BRAF: variants seen among roughly 807,000 people sequenced by gnomAD.
The protein encoded by BRAF is serine/threonine-protein kinase B-raf.
BRAF carries 16 observed loss-of-function variants against 104.6 expected under a neutral mutation model. The ratio of observed to expected loss-of-function variants is 0.15; its 90% CI spans 0.10 to 0.23. The LOEUF is 0.23. BRAF is among the 10% of genes least tolerant of loss of function. The probability of loss-of-function intolerance (pLI) is 1.00; values close to 1 mark genes in which losing one functional copy is unlikely to be tolerated. For missense variants in BRAF, 541 were observed against 937.3 expected (o/e 0.58, Z 5.52); for synonymous variants, 310 against 341.6 (o/e 0.91, Z 1.02).
chr7:140,913,569 G>A (rs1312055161), intron 1 of BRAF, among the ~76,000 whole-genome samples: 1 of 123,150 alleles, frequency 8.1e-6, no homozygotes, highest in Non-Finnish European at 1.6e-5. Context: ...TGCAACCTCC[G>A]ACTCCCTGAT....
At chr7:140,754,677 A>C (rs1446740927) in intron 14 of BRAF, among the ~76,000 whole-genome samples, 1 of 152,184 alleles carries the variant, frequency 6.6e-6, no homozygotes, top group Non-Finnish European at 1.5e-5. Context: ...TCCTGAGTGA[A>C]GCTTTCCCAT....
At chr7:140,877,564 C>G (rs1217364477) in intron 1 of BRAF, among the ~76,000 whole-genome samples, 3 of 151,804 alleles carry the variant, frequency 2.0e-5, no homozygotes, top group Non-Finnish European at 4.4e-5. Context: ...ATGTTGAAAA[C>G]AAAAGCTTGT....
At chr7:140,793,795 T>G (rs1028974850) in intron 8 of BRAF, among the ~76,000 whole-genome samples, 1 of 152,070 alleles carries the variant, frequency 6.6e-6, no homozygotes, top group African/African-American at 2.4e-5. Flanking sequence ...ATGGCTAATT[T>G]GTTTTACTTT....
Position 140,762,146 on chromosome 7 carries a change from T to A in BRAF, c.1815-7913A>T, listed in dbSNP as rs1322678206. ...CTGACCACATACTTGGAAGTAAAGC[T>A]CTCCTCAGCAAATGTAAAAGAACAG... On this transcript the variant is annotated intron_variant, in intron 14 of 19. Transcript: ENST00000644969. Among the ~76,000 whole-genome samples, 6 of 151,916 alleles carry A rather than the reference T, an allele frequency of 3.9e-5. No homozygotes were observed. In the East Asian group the frequency reaches 9.6e-4, roughly 24 times the overall value.
chr7:140,805,892 C>A (rs1803610435), intron 5 of BRAF, among the ~76,000 whole-genome samples: 1 of 152,164 alleles, frequency 6.6e-6, no homozygotes, highest in Non-Finnish European at 1.5e-5. Flanking sequence ...TTTGATCTTG[C>A]CTCTATATGG....
At chr7:140,878,163 CA>C (rs565718270) in intron 1 of BRAF, among the ~76,000 whole-genome samples, 1 of 150,876 alleles carries the variant, frequency 6.6e-6, no homozygotes, top group South Asian at 2.1e-4. Flanking sequence ...CAAATGAAAA[CA>C]AAAAAAACAC....
intron 1 of BRAF, among the ~76,000 whole-genome samples, chr7:140,858,980 T>C (rs1350810833): frequency 6.6e-6 from 1 of 152,114 alleles, no homozygotes; most frequent in East Asian, 1.9e-4. Context: ...CAGAAGAGTT[T>C]AGCAAGGTTT....
At chr7:140,877,425 T>C (rs1360365199) in intron 1 of BRAF, among the ~76,000 whole-genome samples, 1 of 151,922 alleles carries the variant, frequency 6.6e-6, no homozygotes, top group Non-Finnish European at 1.5e-5. Context: ...CTTAAACTGA[T>C]ACTATTATAT....
At chr7:140,776,806 G>A in intron 14 of BRAF, 106 bp downstream of exon 13, 1 of 1,097,952 alleles carries the variant, frequency 9.1e-7, no homozygotes. Context: ...TATGTTCCTG[G>A]ACAGTAATTT....
rs139442899 is a variant in BRAF at position 140,719,989 on chromosome 7, T to G, written c.*6505A>C. 2.5e-5 allele frequency: 27 copies of G among 1,062,626 alleles called. No individual in the cohort carries two copies. In the East Asian group the frequency reaches 1.4e-3, roughly 54 times the overall value. 65.8% of individuals were successfully genotyped at this position (1,062,626 alleles called of 1,614,324 possible). On this transcript the variant is annotated 3_prime_UTR_variant, in exon 20 of 20. Transcript: ENST00000644969. ...GCAGTTCAAACAGGAAGCATCTCCC[T>G]TTCCTCTCCCTTACAGGAGTCATGT...
At chr7:140,797,838 T>TA (rs1387004651) in intron 7 of BRAF, among the ~76,000 whole-genome samples, 1 of 151,994 alleles carries the variant, frequency 6.6e-6, no homozygotes, top group Non-Finnish European at 1.5e-5. Context: ...AAAGATTAAT[T>TA]AAAAACCAAC....
chr7:140,922,374 C>CA lies in BRAF; in HGVS notation c.138+2191dup, dbSNP rs1176647532. ...TGGCCCTCGCTCTCACTTACTAAAT[C>CA]AGACTCTTCAGGGGGTACAGTTCCA... On this transcript the variant is annotated intron_variant, in intron 1 of 19. Coordinates refer to ENST00000644969, the MANE Select transcript of BRAF (RefSeq NM_001374258.1). Among the ~76,000 whole-genome samples, 9 of 152,286 alleles carry CA rather than the reference C, an allele frequency of 5.9e-5. No individual in the cohort carries two copies. In the East Asian group the frequency reaches 7.7e-4, roughly 13 times the overall value.
chr7:140,874,132 C>A (rs1811925574), intron 1 of BRAF, among the ~76,000 whole-genome samples: 1 of 151,462 alleles, frequency 6.6e-6, no homozygotes, highest in African/African-American at 2.4e-5. Flanking sequence ...AAGTAAATAG[C>A]AGTAGACGAT....
chr7:140,762,334 A>T (rs1389432944), intron 14 of BRAF, among the ~76,000 whole-genome samples: 1 of 152,214 alleles, frequency 6.6e-6, no homozygotes, highest in Non-Finnish European at 1.5e-5. Flanking sequence ...ATGTTCTTTG[A>T]AACCAATGAG....
At chr7:140,766,189 G>A (rs1258925233) in intron 14 of BRAF, among the ~76,000 whole-genome samples, 6 of 151,262 alleles carry the variant, frequency 4.0e-5, no homozygotes, top group African/African-American at 1.2e-4. Flanking sequence ...CTATCGCAAG[G>A]ACAAAAAACC....
chr7:140,863,167 C>A lies in BRAF; in HGVS notation c.139-12955G>T, dbSNP rs547355054. Among the ~76,000 whole-genome samples, 5 of 151,726 alleles carry A rather than the reference C, an allele frequency of 3.3e-5. No homozygotes were observed. In the South Asian group the frequency reaches 1.0e-3, roughly 32 times the overall value. On this transcript the variant is annotated intron_variant, in intron 1 of 19. Coordinates refer to ENST00000644969, the MANE Select transcript of BRAF (RefSeq NM_001374258.1). ...CGTCCCAGCATTTATAAAGATAAAA[C>A]AAATGATTCACCAGGTTAAAAAAAA...
At chr7:140,804,167 C>T (rs1002287756) in intron 5 of BRAF, among the ~76,000 whole-genome samples, 4 of 151,844 alleles carry the variant, frequency 2.6e-5, no homozygotes, top group Non-Finnish European at 5.9e-5. Context: ...AGACATGAGC[C>T]ACCACACTCG....
chr7:140,786,324 G>A (rs1009169217), intron 9 of BRAF, among the ~76,000 whole-genome samples: 3 of 152,162 alleles, frequency 2.0e-5, no homozygotes, highest in Non-Finnish European at 4.4e-5. Flanking sequence ...TTTACTCAAT[G>A]TAAAATATTG....
At chr7:140,765,611 C>T (rs1238562651) in intron 14 of BRAF, among the ~76,000 whole-genome samples, 1 of 151,956 alleles carries the variant, frequency 6.6e-6, no homozygotes, top group Non-Finnish European at 1.5e-5. Context: ...AAGAAAAAAA[C>T]AAACAACCCT....
Sources: allele counts gnomAD v4.1 joint callset (sites outside exome capture counted in the v4.1 genomes callset), GRCh38; gene constraint gnomAD v4.1.1; transcripts MANE v1.5; gene names NCBI Gene and HGNC (gene_info 2026-07-23, HGNC 2026-07-21).